Variants in SNTG2 observed in about 807,000 individuals in gnomAD.
The protein encoded by SNTG2 is gamma-2-syntrophin.
Under a neutral mutation model 70.9 loss-of-function variants are expected in SNTG2, and 74 were observed. The ratio of observed to expected loss-of-function variants is 1.04; its 90% CI spans 0.86 to 1.27. The LOEUF (loss-of-function observed/expected upper bound fraction) is 1.27, where lower values mean the gene tolerates loss of function less well. Among genes scored for constraint, SNTG2 ranks in the 50% most tolerant of loss-of-function variants. SNTG2 has a pLI of 0.00. For missense variants in SNTG2, 717 were observed against 690.7 expected (o/e 1.04, Z -0.43); for synonymous variants, 278 against 273.8 (o/e 1.02, Z -0.15).
At chr2:1,211,776 G>A (rs1029327545) in intron 9 of SNTG2, among the ~76,000 whole-genome samples, 5 of 152,072 alleles carry the variant, frequency 3.3e-5, no homozygotes, top group Non-Finnish European at 7.4e-5. Context: ...CCCATGACAC[G>A]TGGGAATTAT....
intron 1 of SNTG2, among the ~76,000 whole-genome samples, chr2:1,082,342 C>T (rs932325201): frequency 4.6e-5 from 7 of 152,152 alleles, no homozygotes; most frequent in South Asian, 2.1e-4. Context: ...TGATGAACTC[C>T]GGATCTCTGG....
intron 14 of SNTG2, among the ~76,000 whole-genome samples, chr2:1,283,281 G>A (rs992991038): frequency 2.0e-5 from 3 of 152,150 alleles, no homozygotes; most frequent in Non-Finnish European, 4.4e-5. Flanking sequence ...CCTGACCCCT[G>A]CTGGGCCCGT....
intron 1 of SNTG2, among the ~76,000 whole-genome samples, chr2:973,397 C>T (rs1325178127): frequency 1.3e-5 from 2 of 151,698 alleles, no homozygotes; most frequent in African/African-American, 2.4e-5. Context: ...TTTTCTTTAC[C>T]TTTGGCTTTC....
At chr2:1,116,230 G>A (rs1027694106) in intron 4 of SNTG2, among the ~76,000 whole-genome samples, 1 of 152,154 alleles carries the variant, frequency 6.6e-6, no homozygotes, top group Non-Finnish European at 1.5e-5. Context: ...GCTATCGATT[G>A]CTACCTAATT....
intron 7 of SNTG2, among the ~76,000 whole-genome samples, chr2:1,170,774 T>C (rs745799363): frequency 2.4e-4 from 36 of 152,148 alleles, no homozygotes; most frequent in Non-Finnish European, 3.5e-4. Flanking sequence ...TTGTCTTGCT[T>C]CTGTTTGGGG....
At chr2:1,324,499 C>A (rs1175715267) in intron 16 of SNTG2, among the ~76,000 whole-genome samples, 1 of 152,132 alleles carries the variant, frequency 6.6e-6, no homozygotes, top group Non-Finnish European at 1.5e-5. Context: ...CTAAAAACTT[C>A]ATGAATAAAA....
At chr2:1,174,238 G>T (rs1244347270) in intron 8 of SNTG2, among the ~76,000 whole-genome samples, 1 of 151,600 alleles carries the variant, frequency 6.6e-6, no homozygotes, top group African/African-American at 2.4e-5. Flanking sequence ...GAGATATAAG[G>T]CATCCTGAAT....
chr2:1,347,687 C>T (rs1280461965), intron 16 of SNTG2, among the ~76,000 whole-genome samples: 5 of 152,176 alleles, frequency 3.3e-5, no homozygotes, highest in South Asian at 2.1e-4. Flanking sequence ...GGCTGCATCT[C>T]GCCCAACCCT....
At chr2:1,274,799 C>T (rs550806660) in intron 14 of SNTG2, among the ~76,000 whole-genome samples, 5 of 152,202 alleles carry the variant, frequency 3.3e-5, no homozygotes, top group Non-Finnish European at 7.3e-5. Flanking sequence ...ATCGGCCTGG[C>T]TGCTGGGCCC....
At chr2:1,130,849 C>T (rs1227659085) in intron 4 of SNTG2, among the ~76,000 whole-genome samples, 1 of 152,164 alleles carries the variant, frequency 6.6e-6, no homozygotes. Flanking sequence ...TCTGTTGAAA[C>T]TTAGGCGTTC....
intron 1 of SNTG2, among the ~76,000 whole-genome samples, chr2:991,347 A>T (rs1661483438): frequency 1.4e-5 from 2 of 146,044 alleles, no homozygotes; most frequent in African/African-American, 5.1e-5. Context: ...GTTGTGGAGA[A>T]GGGAGCTTAT....
intron 1 of SNTG2, among the ~76,000 whole-genome samples, chr2:973,065 G>A (rs555847392): frequency 3.5e-4 from 53 of 152,120 alleles, no homozygotes; most frequent in African/African-American, 1.3e-3. Context: ...CATGTTTTTA[G>A]GAAACTCTAG....
chr2:1,158,338 A>G (rs1243401193), intron 6 of SNTG2: 2 of 152,228 alleles, frequency 1.3e-5, no homozygotes, highest in African/African-American at 4.8e-5. Flanking sequence ...ACATCTGAGT[A>G]CACTATGAGA....
intron 8 of SNTG2, among the ~76,000 whole-genome samples, chr2:1,180,427 C>G (rs1427905884): frequency 7.7e-6 from 1 of 130,144 alleles, no homozygotes; most frequent in Non-Finnish European, 1.7e-5. Context: ...AGACACTTCT[C>G]AAAAGAAGAC....
chr2:1,274,130 G>A (rs953305960), intron 14 of SNTG2, among the ~76,000 whole-genome samples: 1 of 152,226 alleles, frequency 6.6e-6, no homozygotes, highest in African/African-American at 2.4e-5. Flanking sequence ...AATTTTAAAA[G>A]ACTGATGATG....
chr2:1,311,450 GA>G (rs1680985159), intron 15 of SNTG2, among the ~76,000 whole-genome samples: 1 of 152,170 alleles, frequency 6.6e-6, no homozygotes, highest in Non-Finnish European at 1.5e-5. Context: ...TTTTTTTGAA[GA>G]AAAGCTTTCC....
At position 1,285,831 on chromosome 2, in the gene SNTG2, G is replaced by T. The variant is rs963115586; in HGVS notation, c.1284+18260G>T. On this transcript the variant is annotated intron_variant, in intron 14 of 16. Transcript: ENST00000308624. ...AAGACCCAAACCTTCATTCCTGAAG[G>T]GTCTGGACCATTTGTAGTCCTGCCT... Among the ~76,000 whole-genome samples the T allele has an allele frequency of 7.9e-5, 12 of 152,238 alleles. No homozygotes were observed. The East Asian group carries it at 9.7e-4, about 12-fold the overall frequency.
chr2:1,237,737 C>T, intron 9 of SNTG2, 151 bp from the exon 10 acceptor site: 2 of 902,608 alleles, frequency 2.2e-6, no homozygotes, highest in Non-Finnish European at 3.2e-6. Flanking sequence ...AGCGAGCCTG[C>T]TGACTGTACT....
At chr2:1,172,848 C>G (rs1225631066) in intron 7 of SNTG2, among the ~76,000 whole-genome samples, 5 of 152,142 alleles carry the variant, frequency 3.3e-5, no homozygotes. Context: ...TCCCTCCACC[C>G]TGGGGAGCCC....
Sources: gnomAD v4.1 joint callset for allele counts (sites outside exome capture counted in the v4.1 genomes callset) on GRCh38, gnomAD v4.1.1 for gene constraint, MANE v1.5 for transcripts, NCBI Gene and HGNC (gene_info 2026-07-23, HGNC 2026-07-21) for gene names.